The following PCDH1 variants were observed in gnomAD, a reference collection of about 807,000 sequenced individuals.
PCDH1 encodes the protein protocadherin 1, also known as protocadherin-1.
In PCDH1, 23 loss-of-function variants were observed where a neutral mutation model predicts 74.6. That is an observed-to-expected ratio of 0.31 (90% CI 0.22 to 0.44). The LOEUF (loss-of-function observed/expected upper bound fraction) is 0.44. Among genes scored for constraint, PCDH1 ranks in the 20% least tolerant of loss-of-function variants. The pLI is 1.00. For missense variants in PCDH1, 1,214 were observed against 1,641.4 expected, an observed-to-expected ratio of 0.74 and a Z score of 4.50; for synonymous variants, 647 against 686.1, an observed-to-expected ratio of 0.94 and a Z score of 0.89.
At chr5:141,874,843 G>A (rs964287212) in intron 1 of PCDH1, among the ~76,000 whole-genome samples, 8 of 152,096 alleles carry the variant, frequency 5.3e-5, no homozygotes, top group African/African-American at 1.7e-4. Flanking sequence ...CTGTCGCGGG[G>A]AGAGGGGAAG....
intron 1 of PCDH1, among the ~76,000 whole-genome samples, chr5:141,877,529 C>A (rs1753271405): frequency 6.6e-6 from 1 of 152,112 alleles, no homozygotes; most frequent in Admixed American, 6.5e-5. Context: ...TACATGAGGG[C>A]ACGAGATTGT....
At position 141,864,636 on chromosome 5, in the gene PCDH1, C is replaced by T; in HGVS notation, c.1695G>A (p.Gln565=). The part of the protein sequence containing the change: ...FTISPETGEI[Q]VKTSLDREQR... ...GTTCCCGATCCAGAGATGTCTTCAC[C>T]TGGATCTCTCCAGTCTCGGGTGAGA... is the stretch of plus-strand genomic sequence containing the variant. Residue 565 remains glutamine (Q), a synonymous_variant, in exon 3 of 5, where the codon CAG becomes CAA. Transcript: ENST00000287008. This position sits in a 1 kb window ranked among gnomAD's most constrained non-coding sequence, Gnocchi z 5.9. The T allele has an allele frequency of 6.2e-7, 1 of 1,613,724 alleles. No individual in the cohort carries two copies. Among genetic ancestry groups the T allele is most frequent in the Non-Finnish European group, 8.5e-7 (1 of 1,180,028 alleles).
intron 4 of PCDH1, 63 bp from the exon 5 acceptor site, chr5:141,854,499 TG>T: frequency 6.6e-7 from 1 of 1,507,430 alleles, no homozygotes; most frequent in Non-Finnish European, 8.9e-7. Flanking sequence ...CTCTGCTTCA[TG>T]GCCTCCCACT....
At chr5:141,877,536 TTG>T (rs1753271777) in intron 1 of PCDH1, among the ~76,000 whole-genome samples, 1 of 152,010 alleles carries the variant, frequency 6.6e-6, no homozygotes, top group Non-Finnish European at 1.5e-5. Flanking sequence ...GGGCACGAGA[TTG>T]TGTTTGTGTG....
Position 141,863,616 on chromosome 5 carries a change from G to T in PCDH1, c.2715C>A (p.Ala905=), listed in dbSNP as rs913285116. 6.2e-7 allele frequency: 1 copy of T among 1,614,048 alleles called. No individual in the cohort carries two copies. Among genetic ancestry groups the T allele is most frequent in the Non-Finnish European group, 8.5e-7 (1 of 1,180,042 alleles). Residue 905 remains alanine (A), a synonymous_variant, in exon 3 of 5, where the codon GCC becomes GCA. Coordinates refer to ENST00000287008, the MANE Select transcript of PCDH1 (RefSeq NM_032420.5). This position sits in a 1 kb window ranked among gnomAD's most constrained non-coding sequence, Gnocchi z 7.5. ...TGCCTTTGCTTTTGTTTCCCTTGGA[G>T]GCCTTGCCACTGGGCTTGGGGGCAT... ...DLYAPKPSGK[A]SKGNKSKGKK...
chr5:141,862,676 C>T (rs1752611861), intron 3 of PCDH1: 1 of 988,460 alleles, frequency 1.0e-6, no homozygotes, highest in African/African-American at 1.7e-5. Context: ...ACTTTATTGT[C>T]AGGGTCAAGG....
At chr5:141,862,640 A>G in intron 3 of PCDH1, 2 of 985,918 alleles carry the variant, frequency 2.0e-6, no homozygotes, top group Non-Finnish European at 2.4e-6. Context: ...CCAGAAAATA[A>G]GAAACCAAAA....
At chr5:141,870,937 T>A (rs79970685) in intron 1 of PCDH1, among the ~76,000 whole-genome samples, 1 of 152,126 alleles carries the variant, frequency 6.6e-6, no homozygotes, top group Non-Finnish European at 1.5e-5. Flanking sequence ...TCAATCCCAC[T>A]GAGGGCAGGC....
At chr5:141,866,010 T>C (rs1752812566) in intron 2 of PCDH1, 1 of 982,196 alleles carries the variant, frequency 1.0e-6, no homozygotes. Flanking sequence ...TGTGTGATTT[T>C]TGTGTGAGAA....
chr5:141,855,414 T>A (rs1752297757), intron 4 of PCDH1, among the ~76,000 whole-genome samples: 1 of 152,090 alleles, frequency 6.6e-6, no homozygotes, highest in Non-Finnish European at 1.5e-5. Context: ...AATGTGCAAA[T>A]CTATCCTCAG....
At position 141,869,094 on chromosome 5, in the gene PCDH1, C is replaced by G. The variant is rs148895524; in HGVS notation, c.378G>C (p.Gln126His). Residue 126 changes from glutamine to histidine, a missense_variant, in exon 2 of 5, where the codon CAG becomes CAC. This residue lies in a region of PCDH1 where 97 missense variants were observed against 173.2 expected (regional missense o/e 0.56). Transcript: ENST00000287008. The surrounding 1 kb of genome is among the most constrained non-coding windows in gnomAD (Gnocchi z 4.9). ...DREGLRECQN[Q>H]LPGDPCILEF... ...CCAGGATGCAGGGATCACCAGGGAG[C>G]TGGTTCTGGCATTCACGGAGCCCCT... The G allele has an allele frequency of 6.2e-7, 1 of 1,613,680 alleles. No homozygotes were observed. The highest frequency in any genetic ancestry group is 8.5e-7 in the Non-Finnish European group (1 of 1,179,974).
Position 141,868,910 on chromosome 5 carries a change from G to C in PCDH1, c.562C>G (p.Pro188Ala). 6.2e-7 allele frequency: 1 copy of C among 1,614,240 alleles called. No individual in the cohort carries two copies. ...PENTNIGSLF[P>A]IPLASDRDAG... ...TCACGGTCTGAAGCCAGCGGGATGG[G>C]GAAGAGTGAGCCGATGTTGGTGTTC... Residue 188 changes from proline (P) to alanine (A), a missense_variant, in exon 2 of 5, where the codon CCC (proline) becomes GCC (alanine). Pro to Ala is a conservative substitution (Grantham distance 27). Coordinates refer to ENST00000287008, the MANE Select transcript of PCDH1 (RefSeq NM_032420.5). This position sits in a 1 kb window ranked among gnomAD's most constrained non-coding sequence, Gnocchi z 4.8.
chr5:141,876,844 A>T (rs1348337640), intron 1 of PCDH1, among the ~76,000 whole-genome samples: 1 of 152,158 alleles, frequency 6.6e-6, no homozygotes, highest in Non-Finnish European at 1.5e-5. Context: ...ACTCAGCTAA[A>T]TGGCTGGAAG....
At chr5:141,854,537 G>A (rs975683593) in intron 4 of PCDH1, 101 bp from the exon 5 acceptor site, 14 of 1,251,766 alleles carry the variant, frequency 1.1e-5, no homozygotes, top group East Asian at 1.0e-4. Flanking sequence ...CTCAGGACAG[G>A]AGTATGCGCC....
At chr5:141,860,498 CAAAA>C (rs375427155) in intron 3 of PCDH1, among the ~76,000 whole-genome samples, 137 of 115,188 alleles carry the variant, frequency 1.2e-3, no homozygotes, top group Admixed American at 3.6e-3. Context: ...GACCCTGTCT[CAAAA>C]AAAAAAAAAA....
chr5:141,859,296 C>A (rs956052994), intron 3 of PCDH1, among the ~76,000 whole-genome samples: 2 of 152,188 alleles, frequency 1.3e-5, no homozygotes, highest in African/African-American at 4.8e-5. Flanking sequence ...TAATTGAAGG[C>A]TTTGGTCCTG....
In PCDH1 at chr5:141,856,186, T is replaced by A. The variant is rs938594902; in HGVS notation, c.3319+1066A>T. ...GGGTGAGGCTGGGTGCTGGGCAGAG[T>A]CCCACAGACCCCAGACCCCAGAGCA... On this transcript the variant is annotated intron_variant, in intron 4 of 4. Transcript: ENST00000287008. 138 of 1,531,610 alleles carry A rather than the reference T, an allele frequency of 9.0e-5. No individual in the cohort carries two copies. In the Middle Eastern group the frequency reaches 1.5e-3, roughly 17 times the overall value. The allele number at this position is 1,531,610 out of a possible 1,614,324, so 94.9% of individuals were successfully genotyped here. A position where few individuals can be genotyped will look rare whatever the true frequency, so the allele number is the denominator to read the frequency against.
Position 141,863,433 on chromosome 5 carries a change from G to A in PCDH1, c.2898C>T (p.Gly966=). ...LNYPPGSPDL[G]RHYRSNSPLP... is the part of the protein sequence containing the mutation. ...GTGGGGAGTTAGAGCGATAGTGGCG[G>A]CCCAGGTCAGGGCTGCCTGGTGGGT... Residue 966 remains glycine, a synonymous_variant, in exon 3 of 5, where the codon GGC becomes GGT. Coordinates refer to ENST00000287008, the MANE Select transcript of PCDH1 (RefSeq NM_032420.5). This position sits in a 1 kb window ranked among gnomAD's most constrained non-coding sequence, Gnocchi z 7.5. 6.4e-7 allele frequency: 1 copy of A among 1,563,248 alleles called. No individual in the cohort carries two copies. The highest frequency in any genetic ancestry group is 8.7e-7 in the Non-Finnish European group (1 of 1,153,688).
chr5:141,877,647 T>C (rs1456151842), intron 1 of PCDH1, among the ~76,000 whole-genome samples: 1 of 152,194 alleles, frequency 6.6e-6, no homozygotes, highest in Non-Finnish European at 1.5e-5. Context: ...AAGCGGATTC[T>C]GAGCTGGCGA....
Sources: gnomAD v4.1 joint callset for allele counts (sites outside exome capture counted in the v4.1 genomes callset) on GRCh38, gnomAD v4.1.1 for gene constraint, gnomAD v4.1.1 regional missense constraint, Gnocchi (gnomAD v3.1) non-coding constraint, MANE v1.5 for transcripts, NCBI Gene and HGNC (gene_info 2026-07-23, HGNC 2026-07-21) for gene names.